ZNF354B: variants seen among roughly 807,000 people sequenced by gnomAD.
ZNF354B encodes zinc finger protein 354B.
Under a neutral mutation model 12.9 loss-of-function variants are expected in ZNF354B, and 10 were observed. The ratio of observed to expected loss-of-function variants is 0.77; its 90% CI spans 0.48 to 1.31. ZNF354B has a LOEUF of 1.31. ZNF354B is among the 40% of genes most tolerant of loss of function. The pLI, the probability that ZNF354B is intolerant of heterozygous loss-of-function variation, is 0.00. For missense variants in ZNF354B, 614 were observed against 711.7 expected (o/e 0.86, Z 1.56); for synonymous variants, 260 against 243.7 (o/e 1.07, Z -0.62).
chr5:178,879,389 T>C (rs577783317), intron 4 of ZNF354B, among the ~76,000 whole-genome samples: 174 of 151,302 alleles, frequency 1.2e-3, no homozygotes, highest in Non-Finnish European at 2.3e-3. Flanking sequence ...GTTTTTGTTT[T>C]TGTTTTTTGA....
intron 2 of ZNF354B, among the ~76,000 whole-genome samples, chr5:178,863,951 T>C (rs1003605672): frequency 6.6e-6 from 1 of 152,234 alleles, no homozygotes; most frequent in Non-Finnish European, 1.5e-5. Flanking sequence ...TTTGTACAGC[T>C]AGACAATGTG....
chr5:178,877,127 A>C (rs530507148), intron 4 of ZNF354B, among the ~76,000 whole-genome samples: 3 of 151,970 alleles, frequency 2.0e-5, no homozygotes, highest in Non-Finnish European at 4.4e-5. Flanking sequence ...GGCCTTGTGC[A>C]GTGACTTTCT....
chr5:178,860,709 CA>C, intron 1 of ZNF354B: 1 of 317,886 alleles, frequency 3.1e-6, no homozygotes, highest in South Asian at 2.5e-5. Context: ...CTGGCAGTGC[CA>C]GCTGGCGCCG....
chr5:178,879,087 T>TGCCC (rs1757681012), intron 4 of ZNF354B, among the ~76,000 whole-genome samples: 1 of 152,090 alleles, frequency 6.6e-6, no homozygotes, highest in Non-Finnish European at 1.5e-5. Context: ...CTCACTCTGT[T>TGCCC]GCCCAGGCTG....
At chr5:178,865,343 G>C (rs1319151073) in intron 2 of ZNF354B, among the ~76,000 whole-genome samples, 4 of 151,902 alleles carry the variant, frequency 2.6e-5, no homozygotes, top group African/African-American at 7.3e-5. Flanking sequence ...TCTCGGCTCA[G>C]TGCAATCTCT....
intron 2 of ZNF354B, among the ~76,000 whole-genome samples, chr5:178,861,501 G>T (rs1463891018): frequency 5.3e-5 from 8 of 152,174 alleles, no homozygotes; most frequent in African/African-American, 1.9e-4. Flanking sequence ...ATCGTTGTTA[G>T]TTTTTTGTCC....
chr5:178,870,636 G>T (rs1368873525), intron 4 of ZNF354B, among the ~76,000 whole-genome samples: 1 of 152,164 alleles, frequency 6.6e-6, no homozygotes, highest in African/African-American at 2.4e-5. Flanking sequence ...GTGCAGGGTG[G>T]TGAACGGAGG....
rs761226894 is a variant in ZNF354B at position 178,883,915 on chromosome 5, A to C, written c.1463A>C (p.His488Pro). ...SSALIQHQRM[H>P]TGERPYKCNE... ...GCTCTCATTCAACATCAGAGAATGCATACTGGAGAAAGACCCTATAAGTGT... is the reference window on the plus strand; with the variant it reads ...GCTCTCATTCAACATCAGAGAATGCCTACTGGAGAAAGACCCTATAAGTGT... Residue 488 changes from histidine (H) to proline (P), a missense_variant, in exon 5 of 5, where the codon CAT becomes CCT. Physicochemically the swap from His to Pro is moderately conservative, Grantham distance 77. Coordinates refer to ENST00000322434, the MANE Select transcript of ZNF354B (RefSeq NM_058230.3). 1.2e-6 allele frequency: 2 copies of C among 1,614,152 alleles called. No individual in the cohort carries two copies. Among genetic ancestry groups the C allele is most frequent in the East Asian group, 2.2e-5 (1 of 44,872 alleles).
At chr5:178,866,395 C>T (rs1393432587) in intron 3 of ZNF354B, 25 bp downstream of exon 3, 1 of 1,596,500 alleles carries the variant, frequency 6.3e-7, no homozygotes, top group East Asian at 2.2e-5. Context: ...CCTCTAGAAA[C>T]AGAATTCAAA....
intron 4 of ZNF354B, among the ~76,000 whole-genome samples, chr5:178,878,927 C>T (rs1757678929): frequency 1.3e-5 from 2 of 152,044 alleles, no homozygotes; most frequent in Admixed American, 1.3e-4. Context: ...TCTCGAACTC[C>T]TGACTTCAAA....
chr5:178,867,141 A>C, intron 4 of ZNF354B, 70 bp downstream of exon 4: 1 of 1,428,064 alleles, frequency 7.0e-7, no homozygotes, highest in South Asian at 1.2e-5. Context: ...GGAGGTAGGA[A>C]CATTGGTTGG....
At chr5:178,861,724 G>A (rs1308386194) in intron 2 of ZNF354B, among the ~76,000 whole-genome samples, 2 of 152,202 alleles carry the variant, frequency 1.3e-5, no homozygotes, top group South Asian at 4.1e-4. Context: ...TAGTGCAGAG[G>A]CAGCGTAGGT....
chr5:178,874,371 G>C (rs556175620), intron 4 of ZNF354B, among the ~76,000 whole-genome samples: 1 of 152,140 alleles, frequency 6.6e-6, no homozygotes, highest in Non-Finnish European at 1.5e-5. Context: ...TTCTTTCAGG[G>C]ATGGCAATGA....
chr5:178,869,936 G>T (rs1009714982), intron 4 of ZNF354B, among the ~76,000 whole-genome samples: 1 of 152,108 alleles, frequency 6.6e-6, no homozygotes, highest in African/African-American at 2.4e-5. Context: ...TCCCATGAGT[G>T]CTCACTTCAT....
At position 178,883,897 on chromosome 5, in the gene ZNF354B, T is replaced by G; in HGVS notation, c.1445T>G (p.Ile482Ser). The change falls in exon 5 of 5, where the codon ATT becomes AGT. Residue 482 changes from isoleucine to serine, a missense_variant. Transcript: ENST00000322434. The part of the protein sequence containing the change: ...GKAFRQSSAL[I>S]QHQRMHTGER... ...GCCTTCAGACAGAGTTCCGCTCTCATTCAACATCAGAGAATGCATACTGGA... is the reference window on the plus strand; with the variant it reads ...GCCTTCAGACAGAGTTCCGCTCTCAGTCAACATCAGAGAATGCATACTGGA... 1 of 1,614,134 alleles carries G rather than the reference T, an allele frequency of 6.2e-7. No homozygotes were observed. The highest frequency in any genetic ancestry group is 8.5e-7 in the Non-Finnish European group (1 of 1,179,984).
chr5:178,865,965 A>G (rs1357735469), intron 2 of ZNF354B, among the ~76,000 whole-genome samples: 1 of 152,184 alleles, frequency 6.6e-6, no homozygotes, highest in East Asian at 1.9e-4. Flanking sequence ...CTTATGTATT[A>G]TAAAATTGCC....
At chr5:178,876,559 G>C (rs189853245) in intron 4 of ZNF354B, among the ~76,000 whole-genome samples, 51 of 152,338 alleles carry the variant, frequency 3.3e-4, no homozygotes, top group Non-Finnish European at 6.8e-4. Flanking sequence ...TGGCCCTTAA[G>C]TTCTGTTCAC....
chr5:178,877,978 T>C (rs894611732), intron 4 of ZNF354B, among the ~76,000 whole-genome samples: 3 of 152,230 alleles, frequency 2.0e-5, no homozygotes, highest in East Asian at 1.9e-4. Context: ...TTTTGCACTT[T>C]TGGCATTTTC....
chr5:178,877,590 G>T (rs570500346), intron 4 of ZNF354B, among the ~76,000 whole-genome samples: 2 of 152,302 alleles, frequency 1.3e-5, no homozygotes, highest in African/African-American at 4.8e-5. Context: ...TTGCAAAAAT[G>T]GCAGCCTGCA....
Sources: allele counts gnomAD v4.1 joint callset (sites outside exome capture counted in the v4.1 genomes callset), GRCh38; gene constraint gnomAD v4.1.1; transcripts MANE v1.5; gene names NCBI Gene and HGNC (gene_info 2026-07-23, HGNC 2026-07-21).